ZSCAN5A: variants seen among roughly 807,000 people sequenced by gnomAD.
ZSCAN5A encodes zinc finger and SCAN domain containing 5A, also known as zinc finger and SCAN domain-containing protein 5A.
ZSCAN5A carries 12 observed loss-of-function variants against 23.7 expected under a neutral mutation model. The observed-to-expected ratio is 0.51, with a 90% CI of 0.32 to 0.82. The LOEUF is 0.82. ZSCAN5A is among the 40% of genes least tolerant of loss of function. The probability of loss-of-function intolerance (pLI) is 0.03; values close to 1 mark genes in which losing one functional copy is unlikely to be tolerated. For missense variants in ZSCAN5A, 597 were observed against 617.9 expected (o/e 0.97, Z 0.36); for synonymous variants, 257 against 239.9 (o/e 1.07, Z -0.66).
At chr19:56,302,067 T>G in intron 2 of ZSCAN5A, 1 of 1,231,694 alleles carries the variant, frequency 8.1e-7, no homozygotes, top group East Asian at 3.2e-5. Flanking sequence ...ATGACCTACC[T>G]CTTCGTATCC....
At chr19:56,238,080 A>C (rs1391809143) in intron 2 of ZSCAN5A, among the ~76,000 whole-genome samples, 1 of 45,710 alleles carries the variant, frequency 2.2e-5, no homozygotes, top group South Asian at 7.7e-4. Flanking sequence ...ACACACACAG[A>C]GACACACCCG....
At chr19:56,297,225 A>G (rs1227885049) in intron 2 of ZSCAN5A, among the ~76,000 whole-genome samples, 1 of 152,094 alleles carries the variant, frequency 6.6e-6, no homozygotes, top group East Asian at 1.9e-4. Flanking sequence ...AGTCCCTGGG[A>G]TCCAGGGACA....
intron 2 of ZSCAN5A, among the ~76,000 whole-genome samples, chr19:56,286,848 G>C (rs2039162412): frequency 6.6e-6 from 1 of 152,248 alleles, no homozygotes; most frequent in African/African-American, 2.4e-5. Context: ...ATGCCCGGCA[G>C]AGCGAATGCT....
At chr19:56,323,335 A>G (rs569236362) in intron 2 of ZSCAN5A, among the ~76,000 whole-genome samples, 73 of 152,060 alleles carry the variant, frequency 4.8e-4, no homozygotes, top group African/African-American at 1.7e-3. Context: ...AGCTGGGACT[A>G]GGTGCATAGT....
intron 2 of ZSCAN5A, among the ~76,000 whole-genome samples, chr19:56,301,017 A>G (rs2040191943): frequency 6.6e-6 from 1 of 152,168 alleles, no homozygotes; most frequent in Non-Finnish European, 1.5e-5. Context: ...GCAGCCATCA[A>G]GAGCAGAGCC....
chr19:56,329,778 A>G (rs2041472901), intron 2 of ZSCAN5A, among the ~76,000 whole-genome samples: 1 of 152,138 alleles, frequency 6.6e-6, no homozygotes, highest in South Asian at 2.1e-4. Flanking sequence ...CACCATTGTA[A>G]TCTGGGTAGT....
intron 2 of ZSCAN5A, among the ~76,000 whole-genome samples, chr19:56,262,028 A>G (rs1005952756): frequency 2.0e-5 from 3 of 151,938 alleles, no homozygotes; most frequent in African/African-American, 7.3e-5. Context: ...CCACTTTTCT[A>G]ACTTTTTTTT....
intron 2 of ZSCAN5A, among the ~76,000 whole-genome samples, chr19:56,271,028 G>C (rs560705363): frequency 9.3e-4 from 141 of 152,316 alleles, no homozygotes; most frequent in South Asian, 2.1e-3. Context: ...CTACATCCCA[G>C]GCATTTGTTG....
chr19:56,287,228 G>A (rs75119025), intron 2 of ZSCAN5A, among the ~76,000 whole-genome samples: 64 of 152,252 alleles, frequency 4.2e-4, no homozygotes, highest in African/African-American at 1.4e-3. Context: ...CTTGCCCATC[G>A]ACCTGGAAGT....
At chr19:56,318,691 A>G (rs2041342765), upstream of ZSCAN5A, among the ~76,000 whole-genome samples, 2 of 152,250 alleles carry the variant, frequency 1.3e-5, no homozygotes, top group Non-Finnish European at 2.9e-5. Context: ...ATAACACCGT[A>G]TATTTAATAA....
intron 2 of ZSCAN5A, among the ~76,000 whole-genome samples, chr19:56,279,257 G>A (rs1415775422): frequency 6.6e-6 from 1 of 151,996 alleles, no homozygotes; most frequent in African/African-American, 2.4e-5. Flanking sequence ...TCTGCTCCAA[G>A]TCACATGGAA....
chr19:56,352,106 G>C lies in ZSCAN5A; in HGVS notation c.-358+11129C>G, dbSNP rs1424441842. On this transcript the variant is annotated intron_variant, in intron 2 of 6. Transcript: ENST00000587340. The surrounding 1 kb of genome is among the most constrained non-coding windows in gnomAD (Gnocchi z 4.2). ...TAGTGTGGGGTTTTTTTGTTTGTTTGTTTCTTTGTTTTTGAGACGGAATCT... is the reference window on the plus strand; with the variant it reads ...TAGTGTGGGGTTTTTTTGTTTGTTTCTTTCTTTGTTTTTGAGACGGAATCT... Among the ~76,000 whole-genome samples, 1 of 152,002 alleles carries C rather than the reference G, an allele frequency of 6.6e-6. No individual in the cohort carries two copies. Among genetic ancestry groups the C allele is most frequent in the Non-Finnish European group, 1.5e-5 (1 of 68,000 alleles).
chr19:56,271,990 T>C (rs2037882418), intron 2 of ZSCAN5A, among the ~76,000 whole-genome samples: 1 of 152,186 alleles, frequency 6.6e-6, no homozygotes, highest in Admixed American at 6.5e-5. Flanking sequence ...GCTACAACAG[T>C]ACAAATTTAC....
intron 2 of ZSCAN5A, chr19:56,319,871 A>G: frequency 1.2e-6 from 1 of 820,212 alleles, no homozygotes; most frequent in South Asian, 1.3e-5. Context: ...GCTTCCAGAC[A>G]CCCTTCCTTT....
At chr19:56,244,035 C>G (rs1314001839) in intron 2 of ZSCAN5A, 1 of 859,096 alleles carries the variant, frequency 1.2e-6, no homozygotes, top group Admixed American at 2.2e-5. Flanking sequence ...AAATATTCTC[C>G]ACCAGATATG....
In ZSCAN5A at chr19:56,225,182, G is replaced by GA. The variant is rs72530668; in HGVS notation, c.-127-10dup. 0.28 allele frequency: 395,353 copies of GA among 1,408,208 alleles called. 55,389 individuals are homozygous for GA. The highest frequency in any genetic ancestry group is 0.47 in the East Asian group (19,213 of 41,050). 87.2% of individuals were successfully genotyped at this position (1,408,208 alleles called of 1,614,324 possible). ...ACTGTTCATTCAGAAGTCTGGGGGGGAAAAGTATGAGCCTCATTAGTTTAA... is the reference window on the plus strand; with the variant it reads ...ACTGTTCATTCAGAAGTCTGGGGGGGAAAAAGTATGAGCCTCATTAGTTTAA... On this transcript the variant is annotated splice_polypyrimidine_tract_variant and intron_variant, in intron 2 of 5. Coordinates refer to ENST00000683990, the MANE Select transcript of ZSCAN5A (RefSeq NM_001322064.3).
intron 2 of ZSCAN5A, among the ~76,000 whole-genome samples, chr19:56,235,880 C>T (rs1312568542): frequency 1.3e-4 from 1 of 7,856 alleles, no homozygotes. Context: ...GTGGGCCAAG[C>T]CTCCATTCCA....
chr19:56,322,172 G>GA, intron 2 of ZSCAN5A: 2 of 802,762 alleles, frequency 2.5e-6, no homozygotes, highest in Non-Finnish European at 4.5e-6. Context: ...AACAGGTTCT[G>GA]AAATGCAGTC....
intron 2 of ZSCAN5A, chr19:56,342,856 C>T: frequency 1.1e-6 from 1 of 942,206 alleles, no homozygotes; most frequent in South Asian, 1.3e-5. Context: ...CCCCTGGAAT[C>T]CTGGATATCA....
Sources: gnomAD v4.1 joint callset for allele counts (sites outside exome capture counted in the v4.1 genomes callset) on GRCh38, gnomAD v4.1.1 for gene constraint, Gnocchi (gnomAD v3.1) non-coding constraint, MANE v1.5 for transcripts, NCBI Gene and HGNC (gene_info 2026-07-23, HGNC 2026-07-21) for gene names.